TMEM247: variants seen among roughly 807,000 people sequenced by gnomAD.
The protein encoded by TMEM247 is transmembrane protein 247, also known as transmembrane protein ENSP00000343375.
Under a neutral mutation model 20.7 loss-of-function variants are expected in TMEM247, and 23 were observed. The observed-to-expected ratio is 1.11, with a 90% CI of 0.80 to 1.57. The LOEUF (loss-of-function observed/expected upper bound fraction) is 1.57. Ranked by LOEUF, TMEM247 falls within the 40% of genes most tolerant of loss-of-function variation. The probability of loss-of-function intolerance (pLI) is 0.00; values close to 1 mark genes in which losing one functional copy is unlikely to be tolerated. For missense variants in TMEM247, 354 were observed against 283.8 expected, an observed-to-expected ratio of 1.25 and a Z score of -1.78; for synonymous variants, 106 against 111.9, an observed-to-expected ratio of 0.95 and a Z score of 0.33.
chr2:46,480,828 G>A, intron 2 of TMEM247, 64 bp downstream of exon 2: 2 of 1,477,502 alleles, frequency 1.4e-6, no homozygotes, highest in Non-Finnish European at 1.8e-6. Flanking sequence ...CATGGGGCCT[G>A]GAGCAGGCGC....
chr2:46,481,137 C>A (rs766003258), intron 2 of TMEM247, among the ~76,000 whole-genome samples: 1 of 152,184 alleles, frequency 6.6e-6, no homozygotes. Context: ...CATTTCCTCC[C>A]TCTTCCACCG....
At chr2:46,482,622 A>G (rs899158687) in intron 2 of TMEM247, among the ~76,000 whole-genome samples, 1 of 152,210 alleles carries the variant, frequency 6.6e-6, no homozygotes, top group Admixed American at 6.5e-5. Context: ...TTCTTTTTTA[A>G]TGAAAGTCAT....
chr2:46,479,571 G>A (rs930835901), exon 1 of TMEM247: 12 of 1,549,290 alleles, frequency 7.7e-6, no homozygotes, highest in Admixed American at 2.0e-5. Flanking sequence ...ACCTGGCAGC[G>A]TTCTGGTTTT....
At chr2:46,480,264 C>T in intron 1 of TMEM247, 141 bp from the exon 2 acceptor site, 6 of 1,013,302 alleles carry the variant, frequency 5.9e-6, no homozygotes, top group Non-Finnish European at 8.3e-6. Context: ...AAGAGCACTT[C>T]TAATAAGAAT....
In TMEM247 at chr2:46,480,385, C is replaced by G. The variant is rs778735967; in HGVS notation, c.118-20C>G. The G allele has an allele frequency of 2.6e-5, 40 of 1,520,306 alleles. No individual in the cohort carries two copies. The highest frequency in any genetic ancestry group is 2.9e-5 in the Non-Finnish European group (33 of 1,133,086). 94.2% of individuals were successfully genotyped at this position (1,520,306 alleles called of 1,614,324 possible). ...CCTGACTCTTCAAGGTACCTCCCCTCCCTGCTTCCCCTACGCCAGGAGGCA... is the reference window on the plus strand; with the variant it reads ...CCTGACTCTTCAAGGTACCTCCCCTGCCTGCTTCCCCTACGCCAGGAGGCA... On this transcript the variant is annotated intron_variant, in intron 1 of 2. Transcript: ENST00000434431.
exon 3 of TMEM247, chr2:46,484,392 T>G: frequency 6.4e-7 from 1 of 1,551,980 alleles, no homozygotes. Context: ...ATTGCAGCCA[T>G]TTTGCTCTGT....
At chr2:46,481,986 C>T (rs377705647) in intron 2 of TMEM247, among the ~76,000 whole-genome samples, 108 of 152,352 alleles carry the variant, frequency 7.1e-4, no homozygotes, top group African/African-American at 2.2e-3. Flanking sequence ...AAAACGGAGA[C>T]GCACTGTCAA....
chr2:46,480,856 C>A, intron 2 of TMEM247, 92 bp downstream of exon 2: 1 of 1,418,936 alleles, frequency 7.0e-7, no homozygotes. Context: ...CCCTGCTTTG[C>A]GCGGCACCCC....
rs1047486252 is a variant in TMEM247, at chr2:46,482,481, T to C, written c.477+1717T>C. ...CATATTTATTTTACCCCCTTTTCAGTTTGAAAATCTTTCTCCTTGCTGGAT... is the reference window on the plus strand; with the variant it reads ...CATATTTATTTTACCCCCTTTTCAGCTTGAAAATCTTTCTCCTTGCTGGAT... On this transcript the variant is annotated intron_variant, in intron 2 of 2. Transcript: ENST00000434431. Among the ~76,000 whole-genome samples, 11 of 152,252 alleles carry C rather than the reference T, an allele frequency of 7.2e-5. 1 individual carries two copies. Among genetic ancestry groups the C allele is most frequent in the Non-Finnish European group, 1.6e-4 (11 of 68,050 alleles).
exon 3 of TMEM247, chr2:46,484,406 A>G (rs1281527354): frequency 6.4e-7 from 1 of 1,551,666 alleles, no homozygotes; most frequent in Non-Finnish European, 8.7e-7. Context: ...GCTCTGTTTG[A>G]TTAAAACTTT....
At chr2:46,481,344 A>G (rs1380571941) in intron 2 of TMEM247, among the ~76,000 whole-genome samples, 38 of 152,174 alleles carry the variant, frequency 2.5e-4, no homozygotes, top group Admixed American at 2.4e-3. Context: ...CTGTTCCCTA[A>G]TCTGTATTAA....
chr2:46,479,801 G>T (rs1686844298), intron 1 of TMEM247, 99 bp downstream of exon 1: 1 of 860,854 alleles, frequency 1.2e-6, no homozygotes, highest in Non-Finnish European at 1.9e-6. Context: ...CAACTGCCAA[G>T]AACATCAGGT....
At chr2:46,483,391 C>G (rs79542054) in intron 2 of TMEM247, among the ~76,000 whole-genome samples, 3 of 152,140 alleles carry the variant, frequency 2.0e-5, no homozygotes, top group Non-Finnish European at 2.9e-5. Flanking sequence ...CAGCACCTGC[C>G]TCCAAGAGAC....
At position 46,480,504 on chromosome 2, in the gene TMEM247, C is replaced by G. The variant is rs1216980510; in HGVS notation, c.217C>G (p.Pro73Ala). ...CCAAGGGCCGCTTAAATCGCTGTCCCCCAAGTCCTGCCGTGCTACCAAAGG... is the reference window on the plus strand; with the variant it reads ...CCAAGGGCCGCTTAAATCGCTGTCCGCCAAGTCCTGCCGTGCTACCAAAGG... The change falls in exon 2 of 3, where the codon CCC (proline) becomes GCC (alanine). Residue 73 changes from proline (P) to alanine (A), a missense_variant. Transcript: ENST00000434431. 37 of 1,551,616 alleles carry G rather than the reference C, an allele frequency of 2.4e-5. No homozygotes were observed. The East Asian group carries it at 9.0e-4, about 38-fold the overall frequency.
At chr2:46,483,278 C>G (rs555478170) in intron 2 of TMEM247, among the ~76,000 whole-genome samples, 14 of 152,268 alleles carry the variant, frequency 9.2e-5, no homozygotes, top group Middle Eastern at 3.4e-3. Context: ...TATATAGATT[C>G]AAGAAAAGAG....
chr2:46,480,472 G>T, exon 2 of TMEM247: 1 of 1,551,678 alleles, frequency 6.4e-7, no homozygotes, highest in Non-Finnish European at 8.7e-7. Flanking sequence ...TGTGAGGACG[G>T]AGGCTGCCAA....
chr2:46,481,683 A>G (rs1686893015), intron 2 of TMEM247, among the ~76,000 whole-genome samples: 1 of 152,226 alleles, frequency 6.6e-6, no homozygotes, highest in Admixed American at 6.5e-5. Flanking sequence ...GTTAGCTACT[A>G]CCATTTTTAT....
chr2:46,481,476 A>T (rs908360106), intron 2 of TMEM247, among the ~76,000 whole-genome samples: 1 of 152,224 alleles, frequency 6.6e-6, no homozygotes, highest in African/African-American at 2.4e-5. Context: ...CCTGCACTTT[A>T]AAGTCAGAAA....
exon 2 of TMEM247, chr2:46,480,673 G>C: frequency 3.2e-6 from 5 of 1,539,720 alleles, no homozygotes; most frequent in Non-Finnish European, 4.4e-6. Flanking sequence ...CAGCGGCAGC[G>C]GCAGCACGAG....
Sources: gnomAD v4.1 joint callset for allele counts (sites outside exome capture counted in the v4.1 genomes callset) on GRCh38, gnomAD v4.1.1 for gene constraint, MANE v1.5 for transcripts, NCBI Gene and HGNC (gene_info 2026-07-23, HGNC 2026-07-21) for gene names.